LMLN: variants seen among roughly 807,000 people sequenced by gnomAD.
LMLN encodes leishmanolysin-like peptidase.
A neutral mutation model predicts 92.3 loss-of-function variants in LMLN; 70 were observed. The ratio of observed to expected loss-of-function variants is 0.76; its 90% confidence interval spans 0.63 to 0.92. The LOEUF (loss-of-function observed/expected upper bound fraction) is 0.92, where lower values mean the gene tolerates loss of function less well. Ranked by LOEUF, LMLN falls within the 40% of genes least tolerant of loss-of-function variation. The pLI, the probability that LMLN is intolerant of heterozygous loss-of-function variation, is 0.00. For synonymous variants in LMLN, 308 were observed against 296.2 expected, an observed-to-expected ratio of 1.04 and a Z score of -0.41; for missense variants, 691 against 814.6, an observed-to-expected ratio of 0.85 and a Z score of 1.85.
intron 1 of LMLN, among the ~76,000 whole-genome samples, chr3:197,962,230 A>G (rs1483647197): frequency 6.6e-6 from 1 of 151,878 alleles, no homozygotes; most frequent in Non-Finnish European, 1.5e-5. Context: ...ATTGAATGGA[A>G]TTATATGGTA....
chr3:197,976,098 A>G (rs761897744), exon 4 of LMLN: 2 of 1,601,584 alleles, frequency 1.2e-6, no homozygotes, highest in East Asian at 2.2e-5. Context: ...TGCGGGCACT[A>G]TCTTACTTAG....
At chr3:198,033,405 A>C (rs1723127549) in intron 14 of LMLN, among the ~76,000 whole-genome samples, 1 of 112,562 alleles carries the variant, frequency 8.9e-6, no homozygotes, top group Non-Finnish European at 1.7e-5. Context: ...TTTATAAAAA[A>C]AATTATTATT....
chr3:198,016,454 GA>G (rs780769068), intron 11 of LMLN, among the ~76,000 whole-genome samples: 2 of 152,170 alleles, frequency 1.3e-5, no homozygotes, highest in African/African-American at 2.4e-5. Flanking sequence ...TACAGAACTG[GA>G]AAAACTCTCC....
At chr3:197,997,455 A>G (rs976443023) in intron 10 of LMLN, among the ~76,000 whole-genome samples, 32 of 152,238 alleles carry the variant, frequency 2.1e-4, no homozygotes, top group African/African-American at 7.5e-4. Flanking sequence ...TTTACCTTCA[A>G]CATCAGCAGC....
At position 198,035,792 on chromosome 3, in the gene LMLN, T is replaced by C. The variant is rs773368743; in HGVS notation, c.1657-41T>C. On this transcript the variant is annotated intron_variant, in intron 14 of 15. Coordinates refer to ENST00000330198, the Ensembl canonical transcript of LMLN. The stretch of plus-strand genomic sequence containing the variant: ...ATCTCTTAGAATCTTACTGACCTGA[T>C]ATTTATTATTTTTATATATCTATTT... 1.1e-5 allele frequency: 15 copies of C among 1,403,480 alleles called. No individual in the cohort carries two copies. In the East Asian group the frequency reaches 3.6e-4, roughly 33 times the overall value. 86.9% of individuals were successfully genotyped at this position (1,403,480 alleles called of 1,614,324 possible).
intron 11 of LMLN, among the ~76,000 whole-genome samples, chr3:198,013,313 C>G (rs1722506857): frequency 2.5e-5 from 2 of 78,838 alleles, no homozygotes; most frequent in African/African-American, 1.4e-4. Context: ...TGACTTCTCT[C>G]CACCCTTCAG....
intron 1 of LMLN, among the ~76,000 whole-genome samples, chr3:197,962,990 G>A (rs1034559354): frequency 6.6e-6 from 1 of 151,948 alleles, no homozygotes; most frequent in African/African-American, 2.4e-5. Context: ...TTTAGAGTCA[G>A]CTTCTCAGTT....
Position 198,009,782 on chromosome 3 carries a change from CATT to C in LMLN, c.1233-9464_1233-9462del, listed in dbSNP as rs770122747. On this transcript the variant is annotated intron_variant, in intron 11 of 15. Transcript: ENST00000330198. ...GTGTATAGGGTTTTTTGTAGTATTC[CATT>C]ATTATTCTTTTGACATCTGTAGGGT... 1.1e-4 allele frequency among the ~76,000 whole-genome samples: 16 copies of C among 151,962 alleles called. 1 individual carries two copies. The highest frequency in any genetic ancestry group is 5.9e-4 in the Admixed American group (9 of 15,250).
intron 11 of LMLN, 37 bp downstream of exon 12, chr3:198,003,162 C>A: frequency 8.4e-7 from 1 of 1,188,802 alleles, no homozygotes. Context: ...ACTGATTACA[C>A]AGTTCCTTTC....
intron 12 of LMLN, among the ~76,000 whole-genome samples, chr3:198,020,636 C>T (rs1722750873): frequency 6.6e-6 from 1 of 151,912 alleles, no homozygotes; most frequent in Non-Finnish European, 1.5e-5. Flanking sequence ...GCTGTGTCAC[C>T]AGGCTGGAGT....
At chr3:198,040,891 A>G (rs550015002) in exon 16 of LMLN, 62 of 116,486 alleles carry the variant, frequency 5.3e-4, no homozygotes, top group Admixed American at 2.0e-3. Flanking sequence ...ACCCTCGGAC[A>G]GACTCCTATT....
rs12630644 is a variant in LMLN at position 198,025,449 on chromosome 3, A to G, written c.1656+661A>G. Among the ~76,000 whole-genome samples the G allele has an allele frequency of 0.38, 57,092 of 151,520 alleles. 15,254 individuals carry two copies. The highest frequency in any genetic ancestry group is 0.77 in the African/African-American group (31,654 of 41,208). On this transcript the variant is annotated intron_variant, in intron 14 of 15. Coordinates refer to ENST00000330198, the Ensembl canonical transcript of LMLN. This position sits in a 1 kb window ranked among gnomAD's most constrained non-coding sequence, Gnocchi z 4.3. Reference sequence around the variant, plus strand: ...AGTGCTGCTGCAGTCACGGCTCATTATATCCTCTACCTCCTGGGTTCAAGC... The same window carrying G: ...AGTGCTGCTGCAGTCACGGCTCATTGTATCCTCTACCTCCTGGGTTCAAGC...
chr3:197,960,566 C>T, intron 1 of LMLN, 126 bp downstream of exon 1: 2 of 826,056 alleles, frequency 2.4e-6, no homozygotes, highest in East Asian at 2.7e-5. Context: ...GAGCCTGACT[C>T]TTACAGGCCT....
At chr3:198,033,216 G>C (rs77657084) in intron 14 of LMLN, among the ~76,000 whole-genome samples, 12,855 of 152,026 alleles carry the variant, frequency 0.085, 630 homozygotes, top group African/African-American at 0.13. Context: ...TTCCCAACCT[G>C]TAACATCTGC....
intron 2 of LMLN, 23 bp from the exon 3 acceptor site, chr3:197,975,019 T>C: frequency 6.9e-7 from 1 of 1,444,136 alleles, no homozygotes; most frequent in Non-Finnish European, 9.7e-7. Context: ...ATAATCCTTA[T>C]GTTTTTATGT....
chr3:198,031,771 C>G lies in LMLN; in HGVS notation c.1657-4062C>G, dbSNP rs1270559369. ...TATTCCAAAATTTAATGGGTTGATT[C>G]TATTTTTGGTGATCATTAACAGCCT... On this transcript the variant is annotated intron_variant, in intron 14 of 15. Coordinates refer to ENST00000330198, the Ensembl canonical transcript of LMLN. The surrounding 1 kb of genome is among the most constrained non-coding windows in gnomAD (Gnocchi z 4.8). 1.3e-5 allele frequency among the ~76,000 whole-genome samples: 2 copies of G among 152,038 alleles called. No homozygotes were observed. The highest frequency in any genetic ancestry group is 4.8e-5 in the African/African-American group (2 of 41,392).
At chr3:198,020,898 C>T (rs1478818628) in intron 12 of LMLN, among the ~76,000 whole-genome samples, 1 of 143,720 alleles carries the variant, frequency 7.0e-6, no homozygotes, top group African/African-American at 2.6e-5. Flanking sequence ...GCTGGGATTA[C>T]AGGCGTGATC....
intron 8 of LMLN, among the ~76,000 whole-genome samples, chr3:197,988,985 T>C (rs1417758698): frequency 2.0e-5 from 3 of 152,142 alleles, no homozygotes; most frequent in African/African-American, 7.2e-5. Flanking sequence ...ACCTGGCCTA[T>C]GTAGTATATC....
At chr3:198,014,091 T>C (rs1473292925) in intron 11 of LMLN, among the ~76,000 whole-genome samples, 20 of 139,174 alleles carry the variant, frequency 1.4e-4, no homozygotes, top group African/African-American at 4.3e-4. Flanking sequence ...GACTTCTCTG[T>C]ACCCTTCAGA....
Sources: gnomAD v4.1 joint callset for allele counts (sites outside exome capture counted in the v4.1 genomes callset) on GRCh38, gnomAD v4.1.1 for gene constraint, Gnocchi (gnomAD v3.1) non-coding constraint, MANE v1.5 for transcripts, NCBI Gene and HGNC (gene_info 2026-07-23, HGNC 2026-07-21) for gene names.